Variants in BLTP3A observed in about 807,000 individuals in gnomAD.
The protein encoded by BLTP3A is ICBP90 binding protein 1.
the BLTP3A span, among the ~76,000 whole-genome samples, chr6:34,805,692 A>G: frequency 9.2e-5 from 13 of 141,144 alleles, no homozygotes; most frequent in Non-Finnish European, 1.5e-5. Context: ...GAGCCTGCCC[A>G]GGAGTTCAAG....
At chr6:34,823,494 A>T in the BLTP3A span, 181 of 616,752 alleles carry the variant, frequency 2.9e-4, no homozygotes, top group Non-Finnish European at 4.4e-4. Flanking sequence ...TATACCCAAG[A>T]TCTAATTTCA....
At chr6:34,821,508 C>A in the BLTP3A span, 1 of 756,062 alleles carries the variant, frequency 1.3e-6, no homozygotes. Flanking sequence ...TTTCTGTGTT[C>A]CTTCACTCCC....
At chr6:34,835,724 C>T in the BLTP3A span, among the ~76,000 whole-genome samples, 8 of 152,248 alleles carry the variant, frequency 5.3e-5, no homozygotes, top group Admixed American at 1.3e-4. Flanking sequence ...CTCTCACTGT[C>T]TTGAAAGATG....
the BLTP3A span, among the ~76,000 whole-genome samples, chr6:34,809,236 T>A: frequency 2.0e-5 from 3 of 151,824 alleles, no homozygotes; most frequent in Non-Finnish European, 4.4e-5. Flanking sequence ...CTACAAAAAA[T>A]TGAAAAATTA....
At chr6:34,848,293 A>T in the BLTP3A span, among the ~76,000 whole-genome samples, 4,546 of 146,522 alleles carry the variant, frequency 0.031, 116 homozygotes, top group Middle Eastern at 0.066. Context: ...CAAAAAAAAA[A>T]ATAATAATAA....
chr6:34,840,263 T>C, the BLTP3A span, among the ~76,000 whole-genome samples: 4 of 152,132 alleles, frequency 2.6e-5, no homozygotes, highest in Non-Finnish European at 2.9e-5. Flanking sequence ...TTTAAATACA[T>C]ATTATTGGCC....
At chr6:34,862,021 T>G in the BLTP3A span, among the ~76,000 whole-genome samples, 1 of 152,234 alleles carries the variant, frequency 6.6e-6, no homozygotes, top group Admixed American at 6.5e-5. Flanking sequence ...GTATGAAATG[T>G]CCTTATTTTT....
chr6:34,826,777 C>T, the BLTP3A span, among the ~76,000 whole-genome samples: 1 of 152,104 alleles, frequency 6.6e-6, no homozygotes, highest in African/African-American at 2.4e-5. Context: ...TCCAAGTGAG[C>T]TCCTGTGTCC....
the BLTP3A span, among the ~76,000 whole-genome samples, chr6:34,806,153 C>T: frequency 6.6e-6 from 1 of 152,162 alleles, no homozygotes; most frequent in African/African-American, 2.4e-5. Context: ...TGGCAATTAT[C>T]ATTTATTTGC....
the BLTP3A span, among the ~76,000 whole-genome samples, chr6:34,838,958 A>G: frequency 6.6e-6 from 1 of 152,136 alleles, no homozygotes; most frequent in Non-Finnish European, 1.5e-5. Flanking sequence ...CAAACAAAAA[A>G]CTTCAAGGAA....
At chr6:34,792,109 G>C in the BLTP3A span, 835 of 638,060 alleles carry the variant, frequency 1.3e-3, 4 homozygotes, top group African/African-American at 0.013. Flanking sequence ...CGCCCAAAGA[G>C]GGGCGAGAAA....
the BLTP3A span, among the ~76,000 whole-genome samples, chr6:34,804,352 A>G: frequency 6.6e-6 from 1 of 152,116 alleles, no homozygotes; most frequent in Non-Finnish European, 1.5e-5. Context: ...CCCATCTGCC[A>G]TTGGTTGCCA....
chr6:34,792,352 C>T, the BLTP3A span: 3 of 1,446,086 alleles, frequency 2.1e-6, no homozygotes, highest in African/African-American at 4.4e-5. Context: ...CCTCTCCGAC[C>T]TCCTCCCTGA....
the BLTP3A span, among the ~76,000 whole-genome samples, chr6:34,824,870 C>T: frequency 6.6e-6 from 1 of 151,822 alleles, no homozygotes; most frequent in African/African-American, 2.4e-5. Flanking sequence ...GGGATTTTGC[C>T]GTGTTGGCCA....
the BLTP3A span, chr6:34,874,864 T>C: frequency 2.0e-5 from 3 of 152,198 alleles, no homozygotes; most frequent in Non-Finnish European, 2.9e-5. Flanking sequence ...TTACAAGATA[T>C]ATGATAAAGG....
At chr6:34,870,719 C>A in the BLTP3A span, 2 of 1,237,916 alleles carry the variant, frequency 1.6e-6, no homozygotes, top group Non-Finnish European at 2.2e-6. Context: ...GCAAGTTATT[C>A]TCTGTGACTT....
At chr6:34,817,587 A>T in the BLTP3A span, among the ~76,000 whole-genome samples, 1 of 152,040 alleles carries the variant, frequency 6.6e-6, no homozygotes, top group Non-Finnish European at 1.5e-5. Context: ...TGTTTATGTC[A>T]ATTTTCCTTG....
At chr6:34,870,906 T>C in the BLTP3A span, 5 of 1,614,266 alleles carry the variant, frequency 3.1e-6, no homozygotes, top group Non-Finnish European at 4.2e-6. Flanking sequence ...TCAGGCCAGC[T>C]GTGGGCCTTC....
the BLTP3A span, chr6:34,858,720 A>G: frequency 2.5e-6 from 4 of 1,614,260 alleles, no homozygotes; most frequent in Non-Finnish European, 3.4e-6. Context: ...CAGGACTTAC[A>G]GAAGTCATGG....
Sources: gnomAD v4.1 joint callset for allele counts (sites outside exome capture counted in the v4.1 genomes callset) on GRCh38, gnomAD v4.1.1 for gene constraint, MANE v1.5 for transcripts, NCBI Gene and HGNC (gene_info 2026-07-23, HGNC 2026-07-21) for gene names.